CDH23: variants seen among roughly 807,000 people sequenced by gnomAD.
CDH23 encodes cadherin-23.
CDH23 carries 189 observed loss-of-function variants against 317.1 expected under a neutral mutation model. The ratio of observed to expected loss-of-function variants is 0.60; its 90% CI spans 0.53 to 0.67. The LOEUF (loss-of-function observed/expected upper bound fraction) is 0.67, where lower values mean the gene tolerates loss of function less well. Among genes scored for constraint, CDH23 ranks in the 30% least tolerant of loss-of-function variants. CDH23 has a pLI of 0.00. For synonymous variants in CDH23, 1,839 were observed against 1,876.8 expected, an observed-to-expected ratio of 0.98 and a Z score of 0.52; for missense variants, 4,401 against 4,592.4, an observed-to-expected ratio of 0.96 and a Z score of 1.20.
intron 3 of CDH23, among the ~76,000 whole-genome samples, chr10:71,464,326 A>T (rs941033280): frequency 2.6e-5 from 4 of 152,192 alleles, no homozygotes; most frequent in Non-Finnish European, 5.9e-5. Context: ...TGTGTGGCAG[A>T]TGAGGAAACT....
chr10:71,752,591 A>T (rs997736571), intron 38 of CDH23, among the ~76,000 whole-genome samples: 1 of 152,106 alleles, frequency 6.6e-6, no homozygotes, highest in African/African-American at 2.4e-5. Flanking sequence ...CAGCGGCCTA[A>T]CAGCTTTCTC....
chr10:71,497,473 T>G (rs1412178627), intron 3 of CDH23, among the ~76,000 whole-genome samples: 1 of 150,342 alleles, frequency 6.7e-6, no homozygotes, highest in Non-Finnish European at 1.5e-5. Context: ...TATTCATGGC[T>G]GTTTCATGCT....
At chr10:71,778,155 A>G in intron 39 of CDH23, 34 bp from the exon 40 acceptor site, 2 of 1,613,128 alleles carry the variant, frequency 1.2e-6, no homozygotes, top group Non-Finnish European at 1.7e-6. Flanking sequence ...TACCACCCCT[A>G]GATCCATCCT....
intron 42 of CDH23, among the ~76,000 whole-genome samples, 184 bp downstream of exon 42, chr10:71,784,604 G>C (rs1404817863): frequency 6.6e-6 from 1 of 152,188 alleles, no homozygotes; most frequent in African/African-American, 2.4e-5. Flanking sequence ...TGGGGAGGCT[G>C]CCTTTCAGCG....
intron 7 of CDH23, 39 bp downstream of exon 7, chr10:71,566,975 C>T (rs2132359631): frequency 6.3e-7 from 1 of 1,590,692 alleles, no homozygotes; most frequent in South Asian, 1.1e-5. Flanking sequence ...TCCCAGCTGC[C>T]TCTTCCCACC....
At chr10:71,658,998 C>G (rs149220817) in intron 14 of CDH23, among the ~76,000 whole-genome samples, 1 of 152,196 alleles carries the variant, frequency 6.6e-6, no homozygotes. Flanking sequence ...GCTGGACACT[C>G]TCTAAGGCCC....
intron 65 of CDH23, 85 bp from the exon 66 acceptor site, chr10:71,811,870 G>A (rs755473324): frequency 1.2e-4 from 187 of 1,594,100 alleles, no homozygotes; most frequent in African/African-American, 3.5e-4. Flanking sequence ...ACCATGCCCC[G>A]CACCCCATCC....
At chr10:71,466,802 A>C (rs2132075610) in intron 3 of CDH23, among the ~76,000 whole-genome samples, 1 of 151,990 alleles carries the variant, frequency 6.6e-6, no homozygotes, top group Admixed American at 6.5e-5. Context: ...CCTTTATTTC[A>C]TACTTTGCTT....
chr10:71,581,897 C>G (rs1251045364), intron 9 of CDH23, among the ~76,000 whole-genome samples: 2 of 152,228 alleles, frequency 1.3e-5, no homozygotes, highest in East Asian at 3.8e-4. Flanking sequence ...CAGCTGCACT[C>G]ACCCCCCCAA....
chr10:71,583,698 G>A (rs1287300938), intron 9 of CDH23, among the ~76,000 whole-genome samples: 4 of 152,184 alleles, frequency 2.6e-5, no homozygotes. Context: ...CGCAGCTCAG[G>A]ACCATCCCCG....
At position 71,600,009 on chromosome 10, in the gene CDH23, T is replaced by C. The variant is rs1281073334; in HGVS notation, c.833-15495T>C. ...TCTTTCCTTTTTTTTTTTTTTTTTT[T>C]TTTTTTTGGTGAGACAGAGTTTCAC... On this transcript the variant is annotated intron_variant, in intron 9 of 69. Transcript: ENST00000224721. Among the ~76,000 whole-genome samples, 9 of 146,326 alleles carry C rather than the reference T, an allele frequency of 6.2e-5. No individual in the cohort carries two copies. In the East Asian group the frequency reaches 1.6e-3, roughly 26 times the overall value.
intron 14 of CDH23, among the ~76,000 whole-genome samples, chr10:71,668,092 C>T (rs1300929089): frequency 6.6e-6 from 1 of 152,108 alleles, no homozygotes; most frequent in Non-Finnish European, 1.5e-5. Context: ...GTGGGAAGCA[C>T]CTGCTTGGGT....
intron 25 of CDH23, among the ~76,000 whole-genome samples, chr10:71,706,243 A>T (rs1331167453): frequency 6.6e-6 from 1 of 152,216 alleles, no homozygotes; most frequent in Non-Finnish European, 1.5e-5. Flanking sequence ...CCTAGCATGC[A>T]GAGCGGAGTA....
intron 3 of CDH23, among the ~76,000 whole-genome samples, chr10:71,481,397 AG>A (rs908112887): frequency 3.3e-5 from 5 of 152,164 alleles, no homozygotes; most frequent in African/African-American, 1.2e-4. Flanking sequence ...AAATGGGGAA[AG>A]GAGAGGTGTG....
At chr10:71,427,574 T>C (rs1226956521) in intron 1 of CDH23, among the ~76,000 whole-genome samples, 2 of 152,212 alleles carry the variant, frequency 1.3e-5, no homozygotes, top group Admixed American at 6.5e-5. Context: ...ACATTTGGTT[T>C]GTTTTCATGT....
intron 31 of CDH23, among the ~76,000 whole-genome samples, 168 bp from the exon 32 acceptor site, chr10:71,731,819 C>A (rs1839397899): frequency 6.6e-6 from 1 of 152,166 alleles, no homozygotes; most frequent in Admixed American, 6.5e-5. Context: ...TCCACATTGA[C>A]CTTAACACAT....
rs1307043408 is a variant in CDH23, at chr10:71,813,361, G to A, written c.9738+13G>A. On this transcript the variant is annotated intron_variant, in intron 69 of 69. Coordinates refer to ENST00000224721, the MANE Select transcript of CDH23 (RefSeq NM_022124.6). ...CTCCATCTCTGAGGTAGCCGGCTGGGTGGCTGGGAGCTGTGTGCTGTGCCC... is the reference window on the plus strand; with the variant it reads ...CTCCATCTCTGAGGTAGCCGGCTGGATGGCTGGGAGCTGTGTGCTGTGCCC... 2 of 1,547,440 alleles carry A rather than the reference G, an allele frequency of 1.3e-6. No homozygotes were observed. The highest frequency in any genetic ancestry group is 1.2e-5 in the South Asian group (1 of 83,990).
At chr10:71,732,833 A>T in intron 32 of CDH23, 1 of 409,712 alleles carries the variant, frequency 2.4e-6, no homozygotes, top group Non-Finnish European at 3.4e-6. Context: ...GCAACCAATT[A>T]TCTGACTCTC....
intron 1 of CDH23, among the ~76,000 whole-genome samples, chr10:71,433,067 C>T (rs115156834): frequency 2.6e-5 from 4 of 152,166 alleles, no homozygotes; most frequent in Admixed American, 6.5e-5. Context: ...GATGTCAACA[C>T]GTTGAATGCT....
Sources: allele counts gnomAD v4.1 joint callset (sites outside exome capture counted in the v4.1 genomes callset), GRCh38; gene constraint gnomAD v4.1.1; transcripts MANE v1.5; gene names NCBI Gene and HGNC (gene_info 2026-07-23, HGNC 2026-07-21).